Variants in ARHGAP15 observed in about 807,000 individuals in gnomAD.
ARHGAP15 encodes the protein rho GTPase-activating protein 15.
In ARHGAP15, 51 loss-of-function variants were observed where a neutral mutation model predicts 63.7. That is an observed-to-expected ratio of 0.80 (90% CI 0.64 to 1.01). The LOEUF is 1.01. Among genes scored for constraint, ARHGAP15 ranks in the 50% least tolerant of loss-of-function variants. ARHGAP15 has a pLI of 0.00. For missense variants in ARHGAP15, 560 were observed against 564.6 expected (o/e 0.99, Z 0.08); for synonymous variants, 191 against 193.8 (o/e 0.99, Z 0.12).
At chr2:143,383,596 G>C (rs1687146523) in intron 6 of ARHGAP15, among the ~76,000 whole-genome samples, 1 of 152,160 alleles carries the variant, frequency 6.6e-6, no homozygotes, top group South Asian at 2.1e-4. Flanking sequence ...TATTAAGCCA[G>C]ATCCTCGCAG....
At chr2:143,613,620 G>A (rs918253923) in intron 11 of ARHGAP15, among the ~76,000 whole-genome samples, 2 of 152,116 alleles carry the variant, frequency 1.3e-5, no homozygotes, top group African/African-American at 4.8e-5. Context: ...TGACTTCCCT[G>A]AACCTACAAT....
At chr2:143,387,145 C>T (rs1687321061) in intron 6 of ARHGAP15, among the ~76,000 whole-genome samples, 2 of 151,790 alleles carry the variant, frequency 1.3e-5, no homozygotes, top group Non-Finnish European at 2.9e-5. Context: ...CACCCCTGAA[C>T]CTAAACTAAA....
chr2:143,304,460 G>T (rs1362804000), intron 6 of ARHGAP15, among the ~76,000 whole-genome samples: 1 of 152,022 alleles, frequency 6.6e-6, no homozygotes, highest in South Asian at 2.1e-4. Context: ...GTTGTGGGGT[G>T]GGGGAAGAGG....
chr2:143,363,993 A>G (rs1558921709), intron 6 of ARHGAP15, among the ~76,000 whole-genome samples: 1 of 152,192 alleles, frequency 6.6e-6, no homozygotes, highest in Non-Finnish European at 1.5e-5. Context: ...CTTCTTCTCA[A>G]ATTTTAAAAT....
In ARHGAP15 at chr2:143,380,388, G is replaced by T. The variant is rs145561027; in HGVS notation, c.475-55213G>T. On this transcript the variant is annotated intron_variant, in intron 6 of 13. Coordinates refer to ENST00000295095, the MANE Select transcript of ARHGAP15 (RefSeq NM_018460.4). Reference sequence around the variant, plus strand: ...GTTCAATCCTCACGTCAACCATATGGTATCATTCTGACTATAAAAGTGACT... The same window carrying T: ...GTTCAATCCTCACGTCAACCATATGTTATCATTCTGACTATAAAAGTGACT... Among the ~76,000 whole-genome samples, 32 of 152,182 alleles carry T rather than the reference G, an allele frequency of 2.1e-4. No individual in the cohort carries two copies. In the East Asian group the frequency reaches 5.8e-3, roughly 28 times the overall value.
chr2:143,648,466 T>G (rs114399603), intron 12 of ARHGAP15, among the ~76,000 whole-genome samples: 32 of 152,160 alleles, frequency 2.1e-4, no homozygotes, highest in Non-Finnish European at 3.4e-4. Context: ...CATTTGTTCC[T>G]CTTCTCATTC....
intron 6 of ARHGAP15, among the ~76,000 whole-genome samples, chr2:143,299,671 T>G (rs1026868163): frequency 2.0e-5 from 3 of 152,008 alleles, no homozygotes; most frequent in Non-Finnish European, 4.4e-5. Flanking sequence ...TTGAGAAAAC[T>G]ACTTTCTTAA....
chr2:143,476,436 G>T (rs1333129468), intron 8 of ARHGAP15, among the ~76,000 whole-genome samples: 2 of 152,140 alleles, frequency 1.3e-5, no homozygotes. Flanking sequence ...ACAATATGTA[G>T]CATATGCCCA....
chr2:143,351,715 C>G (rs1020124953), intron 6 of ARHGAP15, among the ~76,000 whole-genome samples: 1 of 152,110 alleles, frequency 6.6e-6, no homozygotes, highest in African/African-American at 2.4e-5. Context: ...GAAGATTCCC[C>G]ATTTTTCAAT....
intron 12 of ARHGAP15, among the ~76,000 whole-genome samples, chr2:143,671,749 T>C (rs868160134): frequency 6.6e-6 from 1 of 152,216 alleles, no homozygotes; most frequent in Admixed American, 6.5e-5. Flanking sequence ...CCTATCTATC[T>C]CTGTATAATC....
intron 12 of ARHGAP15, among the ~76,000 whole-genome samples, chr2:143,668,822 A>C (rs577100961): frequency 7.2e-5 from 11 of 152,340 alleles, no homozygotes; most frequent in African/African-American, 2.6e-4. Context: ...ATTCTCCATA[A>C]AATCAAGGAT....
chr2:143,734,056 T>C (rs1482953703), intron 13 of ARHGAP15, among the ~76,000 whole-genome samples: 1 of 152,214 alleles, frequency 6.6e-6, no homozygotes, highest in Non-Finnish European at 1.5e-5. Context: ...GATCTTGATC[T>C]TTTTGTGAAG....
intron 3 of ARHGAP15, among the ~76,000 whole-genome samples, chr2:143,211,375 G>A (rs1432777285): frequency 6.6e-6 from 1 of 151,242 alleles, no homozygotes; most frequent in Non-Finnish European, 1.5e-5. Flanking sequence ...AATTTAAGAA[G>A]GAAAGTGAAG....
chr2:143,620,718 A>T (rs1417023485), intron 11 of ARHGAP15, among the ~76,000 whole-genome samples: 3 of 152,202 alleles, frequency 2.0e-5, no homozygotes, highest in African/African-American at 7.2e-5. Flanking sequence ...TGTAAAATGG[A>T]CATGATGATA....
At chr2:143,664,513 A>G (rs1682039444) in intron 12 of ARHGAP15, among the ~76,000 whole-genome samples, 1 of 151,964 alleles carries the variant, frequency 6.6e-6, no homozygotes, top group Non-Finnish European at 1.5e-5. Flanking sequence ...AAGAACTAGA[A>G]AAGCAAGAGC....
At chr2:143,355,525 A>T (rs757079959) in intron 6 of ARHGAP15, among the ~76,000 whole-genome samples, 16 of 152,302 alleles carry the variant, frequency 1.1e-4, no homozygotes, top group Non-Finnish European at 2.2e-4. Flanking sequence ...ACAGCTAGTA[A>T]TCTTGTCCAT....
intron 10 of ARHGAP15, among the ~76,000 whole-genome samples, chr2:143,539,507 G>A (rs545859289): frequency 6.6e-6 from 1 of 152,020 alleles, no homozygotes; most frequent in South Asian, 2.1e-4. Context: ...GCTTTCTCTT[G>A]TGGGCATTTA....
chr2:143,146,717 A>C (rs1468518931), intron 1 of ARHGAP15, among the ~76,000 whole-genome samples: 1 of 152,082 alleles, frequency 6.6e-6, no homozygotes, highest in Non-Finnish European at 1.5e-5. Flanking sequence ...TACTCTGAAA[A>C]CTTTTATTTT....
intron 12 of ARHGAP15, chr2:143,682,997 A>T (rs1285268800): frequency 6.6e-6 from 1 of 152,206 alleles, no homozygotes; most frequent in Non-Finnish European, 1.5e-5. Context: ...TTTTGTTTGG[A>T]ATACATTGTG....
Sources: allele counts gnomAD v4.1 joint callset (sites outside exome capture counted in the v4.1 genomes callset), GRCh38; gene constraint gnomAD v4.1.1; transcripts MANE v1.5; gene names NCBI Gene and HGNC (gene_info 2026-07-23, HGNC 2026-07-21).